The following COL25A1 variants were observed in gnomAD, a reference collection of about 807,000 sequenced individuals.
COL25A1 encodes the protein collagen alpha-1(XXV) chain.
COL25A1 carries 103 observed loss-of-function variants against 128.4 expected under a neutral mutation model. The observed-to-expected ratio is 0.80, with a 90% CI of 0.68 to 0.94. The LOEUF is 0.94. Among genes scored for constraint, COL25A1 ranks in the 40% least tolerant of loss-of-function variants. The pLI is 0.00. For synonymous variants in COL25A1, 279 were observed against 277.2 expected, an observed-to-expected ratio of 1.01 and a Z score of -0.06; for missense variants, 745 against 840.0, an observed-to-expected ratio of 0.89 and a Z score of 1.40.
chr4:108,942,283 C>T (rs550585517), intron 8 of COL25A1: 11 of 1,549,882 alleles, frequency 7.1e-6, no homozygotes, highest in African/African-American at 1.4e-5. Context: ...GGACATAGCA[C>T]AGCACCAAAA....
At chr4:109,179,804 T>C (rs1014187506) in intron 3 of COL25A1, among the ~76,000 whole-genome samples, 4 of 152,220 alleles carry the variant, frequency 2.6e-5, no homozygotes, top group African/African-American at 7.2e-5. Context: ...GAGAGTTCTG[T>C]GTATGTTTCT....
intron 3 of COL25A1, among the ~76,000 whole-genome samples, chr4:109,198,560 G>C (rs1039192193): frequency 1.3e-5 from 2 of 152,120 alleles, no homozygotes; most frequent in African/African-American, 4.8e-5. Context: ...CTCTTGAAAA[G>C]TCTGTAGAGG....
intron 26 of COL25A1, among the ~76,000 whole-genome samples, chr4:108,849,815 T>C (rs1308144254): frequency 6.6e-6 from 1 of 152,146 alleles, no homozygotes; most frequent in Non-Finnish European, 1.5e-5. Flanking sequence ...AACCACAATA[T>C]TGAAATGGTT....
At chr4:108,865,108 C>T (rs56168911) in intron 20 of COL25A1, among the ~76,000 whole-genome samples, 1 of 152,084 alleles carries the variant, frequency 6.6e-6, no homozygotes, top group Non-Finnish European at 1.5e-5. Flanking sequence ...CCTTTTAATA[C>T]TCCCTAAACA....
chr4:109,172,984 A>G (rs1461214655), intron 3 of COL25A1, among the ~76,000 whole-genome samples: 1 of 152,220 alleles, frequency 6.6e-6, no homozygotes, highest in African/African-American at 2.4e-5. Context: ...TCTATCTAGC[A>G]GTTTGCAATG....
At position 108,927,275 on chromosome 4, in the gene COL25A1, T is replaced by C. The variant is rs546609028; in HGVS notation, c.709-6671A>G. ...TTTCAACTGGCTATATTTTAACATA[T>C]TTACCTATTTTAAAAATCCACTTGA... On this transcript the variant is annotated intron_variant, in intron 11 of 37. Coordinates refer to ENST00000399132, the MANE Select transcript of COL25A1 (RefSeq NM_198721.4). Among the ~76,000 whole-genome samples the C allele has an allele frequency of 2.0e-4, 30 of 152,268 alleles. No individual in the cohort carries two copies. In the South Asian group the frequency reaches 6.2e-3, roughly 32 times the overall value.
At chr4:109,182,064 G>A (rs1560824725) in intron 3 of COL25A1, among the ~76,000 whole-genome samples, 3 of 152,052 alleles carry the variant, frequency 2.0e-5, no homozygotes, top group South Asian at 4.1e-4. Flanking sequence ...ATCTCATTGT[G>A]TATATAGGCC....
intron 24 of COL25A1, among the ~76,000 whole-genome samples, chr4:108,856,802 C>T (rs912960909): frequency 3.9e-5 from 6 of 152,068 alleles, no homozygotes; most frequent in African/African-American, 1.4e-4. Flanking sequence ...ATAGGTGTCA[C>T]ATTTTTTAAA....
intron 3 of COL25A1, among the ~76,000 whole-genome samples, chr4:109,248,603 T>C (rs1780439219): frequency 6.6e-6 from 1 of 152,068 alleles, no homozygotes; most frequent in Admixed American, 6.6e-5. Context: ...TCCATCTATC[T>C]CCACCCATGC....
intron 3 of COL25A1, among the ~76,000 whole-genome samples, chr4:109,124,848 G>A (rs986730532): frequency 6.6e-6 from 1 of 151,844 alleles, no homozygotes; most frequent in Non-Finnish European, 1.5e-5. Flanking sequence ...CATATAGCAA[G>A]ATATAAAAAT....
chr4:109,233,159 A>G (rs749520779), intron 3 of COL25A1, among the ~76,000 whole-genome samples: 1 of 152,170 alleles, frequency 6.6e-6, no homozygotes, highest in Non-Finnish European at 1.5e-5. Flanking sequence ...AGGCAGACAC[A>G]GCTTTTTAAT....
intron 3 of COL25A1, among the ~76,000 whole-genome samples, chr4:109,192,063 C>T (rs542187157): frequency 2.1e-4 from 32 of 152,252 alleles, no homozygotes; most frequent in South Asian, 8.3e-4. Context: ...GGGCAGGTAG[C>T]ATTAGAAATA....
At chr4:108,947,595 T>A (rs1748924498) in intron 8 of COL25A1, among the ~76,000 whole-genome samples, 1 of 152,104 alleles carries the variant, frequency 6.6e-6, no homozygotes, top group Non-Finnish European at 1.5e-5. Flanking sequence ...AAGAGGCAAC[T>A]ACAAAGAAGA....
At chr4:109,002,184 A>T (rs1755500570) in intron 6 of COL25A1, among the ~76,000 whole-genome samples, 1 of 152,252 alleles carries the variant, frequency 6.6e-6, no homozygotes, top group Non-Finnish European at 1.5e-5. Context: ...AACTACTACC[A>T]TAGGACCTAG....
At chr4:109,255,731 C>G (rs1160522260) in intron 3 of COL25A1, among the ~76,000 whole-genome samples, 1 of 152,144 alleles carries the variant, frequency 6.6e-6, no homozygotes, top group Non-Finnish European at 1.5e-5. Flanking sequence ...ATAAATTCCT[C>G]TCATTAAAAC....
At chr4:109,189,289 T>G (rs902764088) in intron 3 of COL25A1, among the ~76,000 whole-genome samples, 1 of 152,156 alleles carries the variant, frequency 6.6e-6, no homozygotes, top group Non-Finnish European at 1.5e-5. Flanking sequence ...GGCTGTCACC[T>G]GTAATTCCAG....
At chr4:108,997,144 G>C (rs1754861142) in intron 6 of COL25A1, among the ~76,000 whole-genome samples, 1 of 152,084 alleles carries the variant, frequency 6.6e-6, no homozygotes, top group Admixed American at 6.6e-5. Context: ...AACTGAAGGA[G>C]ATAGAGACAC....
At chr4:109,177,749 A>C (rs1202782111) in intron 3 of COL25A1, among the ~76,000 whole-genome samples, 7 of 152,234 alleles carry the variant, frequency 4.6e-5, no homozygotes. Flanking sequence ...AACATTTTTG[A>C]ATAATTTAAA....
intron 24 of COL25A1, 90 bp downstream of exon 24, chr4:108,859,566 G>A: frequency 1.0e-6 from 1 of 1,003,012 alleles, no homozygotes; most frequent in South Asian, 1.6e-5. Flanking sequence ...TCTGAGGATA[G>A]AGGGTGTGGA....
Sources: allele counts gnomAD v4.1 joint callset (sites outside exome capture counted in the v4.1 genomes callset), GRCh38; gene constraint gnomAD v4.1.1; transcripts MANE v1.5; gene names NCBI Gene and HGNC (gene_info 2026-07-23, HGNC 2026-07-21).